Variants in DNTTIP2 observed in about 807,000 individuals in gnomAD.
The protein encoded by DNTTIP2 is deoxynucleotidyltransferase terminal-interacting protein 2.
Under a neutral mutation model 62.4 loss-of-function variants are expected in DNTTIP2, and 47 were observed. The ratio of observed to expected loss-of-function variants is 0.75; its 90% CI spans 0.60 to 0.96. The LOEUF is 0.96. DNTTIP2 is among the 40% of genes least tolerant of loss of function. The probability of loss-of-function intolerance (pLI) is 0.00; values close to 1 mark genes in which losing one functional copy is unlikely to be tolerated. For synonymous variants in DNTTIP2, 322 were observed against 300.9 expected (o/e 1.07, Z -0.73); for missense variants, 870 against 849.1 (o/e 1.02, Z -0.31).
Position 93,877,182 on chromosome 1 carries a change from A to C in DNTTIP2, c.753T>G (p.Ser251=). ...TRQTSHLQAR[S]LSEINKPNFY... is the part of the protein sequence containing the mutation. ...AATTTGGCTTATTTATCTCAGAAAG[A>C]GATCTTGCTTGTAAATGGGAAGTTT... Residue 251 remains serine (S), a synonymous_variant, in exon 2 of 7, where the codon TCT becomes TCG. Coordinates refer to ENST00000436063, the MANE Select transcript of DNTTIP2 (RefSeq NM_014597.5). The C allele has an allele frequency of 6.2e-7, 1 of 1,613,732 alleles. No homozygotes were observed. The highest frequency in any genetic ancestry group is 8.5e-7 in the Non-Finnish European group (1 of 1,179,878).
At position 93,868,264 on chromosome 1, in the gene DNTTIP2, A is replaced by G. The variant is rs1344638930; in HGVS notation, c.*1587T>C. The G allele has an allele frequency of 6.6e-6, 1 of 152,250 alleles. No homozygotes were observed. Among genetic ancestry groups the G allele is most frequent in the Non-Finnish European group, 1.5e-5 (1 of 68,038 alleles). 9.4% of individuals were successfully genotyped at this position (152,250 alleles called of 1,614,324 possible). ...GAAAAAACGCTCATTATCACTGCTC[A>G]TTAGAGAAATGCAAATCAAAACCAC... On this transcript the variant is annotated 3_prime_UTR_variant, in exon 7 of 7. Transcript: ENST00000436063.
chr1:93,867,183 G>A lies in DNTTIP2; in HGVS notation c.*2668C>T, dbSNP rs1301740948. 1 of 149,302 alleles carries A rather than the reference G, an allele frequency of 6.7e-6. No homozygotes were observed. The highest frequency in any genetic ancestry group is 2.5e-5 in the African/African-American group (1 of 40,518). The allele number at this position is 149,302 out of a possible 1,614,324, so 9.2% of individuals were successfully genotyped here. ...AAAAAGCATCTTGGAGCCAGATGGTGTATAAATACAGCATTCTTTTCGAAA... is the reference window on the plus strand; with the variant it reads ...AAAAAGCATCTTGGAGCCAGATGGTATATAAATACAGCATTCTTTTCGAAA... On this transcript the variant is annotated 3_prime_UTR_variant, in exon 7 of 7. Coordinates refer to ENST00000436063, the MANE Select transcript of DNTTIP2 (RefSeq NM_014597.5).
At position 93,877,687 on chromosome 1, in the gene DNTTIP2, G is replaced by C. The variant is rs779262659; in HGVS notation, c.248C>G (p.Thr83Arg). The change falls in exon 2 of 7, where the codon ACG becomes AGG. Residue 83 changes from threonine (T) to arginine (R), a missense_variant. By Grantham distance (71) the Thr-to-Arg change is moderately conservative. Transcript: ENST00000436063. ...CTCTGCCTCAGAGGTTTCTCCATCCGTAGATGGTTCAGTCCCCTTTGGTAG... is the reference window on the plus strand; with the variant it reads ...CTCTGCCTCAGAGGTTTCTCCATCCCTAGATGGTTCAGTCCCCTTTGGTAG... ...GSLPKGTEPS[T>R]DGETSEAESN... 6.2e-7 allele frequency: 1 copy of C among 1,613,962 alleles called. No homozygotes were observed. The highest frequency in any genetic ancestry group is 8.5e-7 in the Non-Finnish European group (1 of 1,179,884).
rs534991717 is a variant in DNTTIP2 at position 93,878,040 on chromosome 1, C to T, written c.73-178G>A. 2.0e-5 allele frequency among the ~76,000 whole-genome samples: 3 copies of T among 152,296 alleles called. No individual in the cohort carries two copies. The South Asian group carries it at 6.2e-4, about 32-fold the overall frequency. On this transcript the variant is annotated intron_variant, in intron 1 of 6. Transcript: ENST00000436063. ...ATCAAAATTTGGCCGGGCGCGGTGGCTTACGGCTGTAATCCCAGCACTCTG... is the reference window on the plus strand; with the variant it reads ...ATCAAAATTTGGCCGGGCGCGGTGGTTTACGGCTGTAATCCCAGCACTCTG...
At chr1:93,870,994 A>G (rs1404893642) in intron 5 of DNTTIP2, 1 of 349,990 alleles carries the variant, frequency 2.9e-6, no homozygotes, top group East Asian at 4.3e-5. Context: ...AGTAGTTTAT[A>G]GTAGATCCAA....
intron 1 of DNTTIP2, 112 bp from the exon 2 acceptor site, chr1:93,877,974 C>CA (rs1557719993): frequency 2.9e-6 from 4 of 1,403,074 alleles, no homozygotes; most frequent in Admixed American, 2.9e-5. Context: ...ACCTTTAAAA[C>CA]AAAAAACAAA....
rs1655809895 is a variant in DNTTIP2 at position 93,869,755 on chromosome 1, T to C, written c.*96A>G. ...TTCCTGTATGAACAGGGCCAGTCTA[T>C]GGTAAATTAATTTAGATGATGGTGT... On this transcript the variant is annotated 3_prime_UTR_variant, in exon 7 of 7. Transcript: ENST00000436063. 2 of 683,834 alleles carry C rather than the reference T, an allele frequency of 2.9e-6. No homozygotes were observed. Among genetic ancestry groups the C allele is most frequent in the South Asian group, 3.3e-5 (2 of 60,704 alleles). 42.4% of individuals were successfully genotyped at this position (683,834 alleles called of 1,614,324 possible).
Position 93,877,861 on chromosome 1 carries a change from C to T in DNTTIP2, c.74G>A (p.Ser25Asn). ...CGCTTGAATCCCATTAGCAGCAAAA[C>T]TCTGCAAACCAGAGAAAACACACTG... Reference protein sequence around the residue: ...AASAESSGQKSFAANGIQAHP... With the variant: ...AASAESSGQKNFAANGIQAHP... The change falls in exon 2 of 7, where the codon AGT (serine) becomes AAT (asparagine). Residue 25 changes from serine (S) to asparagine (N), a missense_variant and splice_region_variant. Physicochemically the swap from Ser to Asn is conservative, Grantham distance 46. Coordinates refer to ENST00000436063, the MANE Select transcript of DNTTIP2 (RefSeq NM_014597.5). 1 of 1,598,250 alleles carries T rather than the reference C, an allele frequency of 6.3e-7. No homozygotes were observed. Among genetic ancestry groups the T allele is most frequent in the Non-Finnish European group, 8.5e-7 (1 of 1,178,702 alleles).
Position 93,869,671 on chromosome 1 carries a change from C to A in DNTTIP2, c.*180G>T. ...TCTACACCAGGGTGGGTCTTTTAGA[C>A]ACCCCTATTTTCTAAGGGCATGTAA... On this transcript the variant is annotated 3_prime_UTR_variant, in exon 7 of 7. Transcript: ENST00000436063. 1 of 531,488 alleles carries A rather than the reference C, an allele frequency of 1.9e-6. No individual in the cohort carries two copies. Among genetic ancestry groups the A allele is most frequent in the Middle Eastern group, 3.3e-4 (1 of 3,060 alleles). The allele number at this position is 531,488 out of a possible 1,614,324, so 32.9% of individuals were successfully genotyped here.
intron 3 of DNTTIP2, among the ~76,000 whole-genome samples, chr1:93,875,299 G>A (rs1310440073): frequency 6.6e-6 from 1 of 152,156 alleles, no homozygotes; most frequent in Non-Finnish European, 1.5e-5. Context: ...CCGGGTGGAA[G>A]AGGCAGGCAG....
At chr1:93,874,459 G>A (rs1406912612) in intron 3 of DNTTIP2, among the ~76,000 whole-genome samples, 1 of 152,174 alleles carries the variant, frequency 6.6e-6, no homozygotes, top group Non-Finnish European at 1.5e-5. Context: ...GAAACAGAGG[G>A]GTTGTGAGAA....
intron 5 of DNTTIP2, among the ~76,000 whole-genome samples, chr1:93,871,566 TG>T (rs1474769591): frequency 6.6e-6 from 1 of 152,172 alleles, no homozygotes; most frequent in African/African-American, 2.4e-5. Flanking sequence ...CTAAGTGTGT[TG>T]GAATTTGTTG....
At chr1:93,873,727 T>G (rs1386251999) in intron 3 of DNTTIP2, among the ~76,000 whole-genome samples, 1 of 151,970 alleles carries the variant, frequency 6.6e-6, no homozygotes, top group African/African-American at 2.4e-5. Flanking sequence ...AGGCCAGGAG[T>G]TCAAGACTAG....
At chr1:93,871,341 T>C (rs1655857675) in intron 5 of DNTTIP2, among the ~76,000 whole-genome samples, 1 of 152,168 alleles carries the variant, frequency 6.6e-6, no homozygotes, top group Admixed American at 6.5e-5. Context: ...GTAACTAAAA[T>C]ATTAAAGCAT....
intron 3 of DNTTIP2, among the ~76,000 whole-genome samples, chr1:93,874,101 T>TA (rs1655938087): frequency 6.6e-6 from 1 of 152,224 alleles, no homozygotes; most frequent in African/African-American, 2.4e-5. Context: ...CTATCACTCA[T>TA]AAAAGGGGGC....
chr1:93,878,998 A>C (rs1571187376), intron 1 of DNTTIP2, 79 bp downstream of exon 1: 1 of 1,566,088 alleles, frequency 6.4e-7, no homozygotes, highest in East Asian at 2.3e-5. Context: ...CTCACCCTTA[A>C]CCGGACCCTT....
Position 93,876,705 on chromosome 1 carries a change from T to C in DNTTIP2, c.1230A>G (p.Glu410=). Residue 410 remains glutamate, a synonymous_variant, in exon 2 of 7, where the codon GAA becomes GAG. Coordinates refer to ENST00000436063, the MANE Select transcript of DNTTIP2 (RefSeq NM_014597.5). ...EEESTVISVS[E]DMNSEGNVDF... ...CTACATTCCCTTCACTGTTCATGTC[T>C]TCACTGACACTTATAACTGTGGACT... 1 of 1,614,036 alleles carries C rather than the reference T, an allele frequency of 6.2e-7. No individual in the cohort carries two copies. The highest frequency in any genetic ancestry group is 2.2e-5 in the East Asian group (1 of 44,872).
rs764067494 is a variant in DNTTIP2, at chr1:93,877,880, C to T, written c.73-18G>A. The T allele has an allele frequency of 1.3e-6, 2 of 1,592,814 alleles. No homozygotes were observed. The highest frequency in any genetic ancestry group is 2.2e-5 in the East Asian group (1 of 44,824). On this transcript the variant is annotated intron_variant, in intron 1 of 6. Transcript: ENST00000436063. ...GCAAAACTCTGCAAACCAGAGAAAA[C>T]ACACTGTAATTTAGGTAGGGCTGGA...
Position 93,876,332 on chromosome 1 carries a change from G to C in DNTTIP2, c.1603C>G (p.His535Asp). The change falls in exon 2 of 7, where the codon CAT (histidine) becomes GAT (aspartate). Residue 535 changes from histidine (H) to aspartate (D), a missense_variant. Transcript: ENST00000436063. ...CTAAACTCATCTTCATTTTCGTCAT[G>C]GTCTGATGAATCTTCTTCACTTTTT... ...DEKSEEDSSD[H>D]DENEDEFSDE... 2.6e-6 allele frequency: 4 copies of C among 1,553,618 alleles called. No individual in the cohort carries two copies. Among genetic ancestry groups the C allele is most frequent in the Non-Finnish European group, 3.5e-6 (4 of 1,147,860 alleles).
Sources: allele counts gnomAD v4.1 joint callset (sites outside exome capture counted in the v4.1 genomes callset), GRCh38; gene constraint gnomAD v4.1.1; transcripts MANE v1.5; gene names NCBI Gene and HGNC (gene_info 2026-07-23, HGNC 2026-07-21).